Variants in ASTN2 observed in about 807,000 individuals in gnomAD.
ASTN2 encodes astrotactin-2.
A neutral mutation model predicts 139.8 loss-of-function variants in ASTN2; 54 were observed. The ratio of observed to expected loss-of-function variants is 0.39; its 90% CI spans 0.31 to 0.48. ASTN2 has a LOEUF of 0.48. Ranked by LOEUF, ASTN2 falls within the 20% of genes least tolerant of loss-of-function variation. The pLI, the probability that ASTN2 is intolerant of heterozygous loss-of-function variation, is 0.95. For missense variants in ASTN2, 1,565 were observed against 1,725.1 expected (o/e 0.91, Z 1.64); for synonymous variants, 756 against 719.5 (o/e 1.05, Z -0.81).
intron 2 of ASTN2, among the ~76,000 whole-genome samples, chr9:117,223,752 A>C (rs1180275907): frequency 2.0e-5 from 3 of 152,192 alleles, no homozygotes; most frequent in Non-Finnish European, 4.4e-5. Flanking sequence ...CATTTGTAAA[A>C]ATATACTCAC....
chr9:116,685,619 T>C (rs1251581405), intron 16 of ASTN2, among the ~76,000 whole-genome samples: 1 of 152,220 alleles, frequency 6.6e-6, no homozygotes, highest in Non-Finnish European at 1.5e-5. Flanking sequence ...GGAATTCTAA[T>C]ATTGTGCCAG....
intron 19 of ASTN2, among the ~76,000 whole-genome samples, chr9:116,505,313 G>A (rs1350738223): frequency 1.3e-5 from 2 of 151,748 alleles, no homozygotes; most frequent in Admixed American, 1.3e-4. Flanking sequence ...AACAATGTTG[G>A]TTCCCGCTCA....
intron 17 of ASTN2, among the ~76,000 whole-genome samples, chr9:116,626,001 A>T (rs763699956): frequency 6.6e-6 from 1 of 151,940 alleles, no homozygotes; most frequent in Admixed American, 6.6e-5. Context: ...TTTTTTTGAG[A>T]CAGAGTCTCC....
chr9:116,609,696 T>C (rs1855430684), intron 19 of ASTN2, among the ~76,000 whole-genome samples: 3 of 151,854 alleles, frequency 2.0e-5, no homozygotes, highest in Admixed American at 1.3e-4. Flanking sequence ...TGGGTAAATA[T>C]ATAAAATCAT....
chr9:116,788,041 T>C (rs144998767), intron 13 of ASTN2, among the ~76,000 whole-genome samples: 1 of 152,326 alleles, frequency 6.6e-6, no homozygotes, highest in Non-Finnish European at 1.5e-5. Context: ...GAGGACATCA[T>C]GCTAAGTGAA....
intron 16 of ASTN2, among the ~76,000 whole-genome samples, chr9:116,669,016 G>C (rs1859033074): frequency 1.3e-5 from 2 of 152,158 alleles, no homozygotes; most frequent in African/African-American, 2.4e-5. Flanking sequence ...GGTAGGAGGT[G>C]AGACTCAGCT....
At chr9:116,796,592 G>A (rs1830695081) in intron 13 of ASTN2, among the ~76,000 whole-genome samples, 1 of 152,122 alleles carries the variant, frequency 6.6e-6, no homozygotes. Context: ...AGCAGGAAAT[G>A]GCAGAGCAGT....
chr9:117,086,230 C>T (rs1828555668), intron 5 of ASTN2, among the ~76,000 whole-genome samples: 1 of 152,100 alleles, frequency 6.6e-6, no homozygotes, highest in South Asian at 2.1e-4. Context: ...AAACTGAGGC[C>T]CAAAGCCTTG....
intron 16 of ASTN2, among the ~76,000 whole-genome samples, chr9:116,676,358 G>T (rs772742107): frequency 2.8e-4 from 42 of 152,176 alleles, no homozygotes; most frequent in Non-Finnish European, 5.9e-4. Flanking sequence ...TTTGTGCTAA[G>T]AATTTGTCTT....
intron 3 of ASTN2, among the ~76,000 whole-genome samples, chr9:117,159,377 C>T (rs1026110203): frequency 2.6e-5 from 4 of 151,800 alleles, no homozygotes; most frequent in African/African-American, 7.2e-5. Context: ...ATTTCTCAAG[C>T]GAAAAAGAAA....
At chr9:117,393,634 A>G (rs1350369321) in intron 1 of ASTN2, among the ~76,000 whole-genome samples, 1 of 152,150 alleles carries the variant, frequency 6.6e-6, no homozygotes, top group Admixed American at 6.5e-5. Context: ...CTTCCATAAA[A>G]CAATGATGAA....
chr9:117,279,229 CT>C (rs1834267766), intron 2 of ASTN2, among the ~76,000 whole-genome samples: 1 of 152,112 alleles, frequency 6.6e-6, no homozygotes, highest in Non-Finnish European at 1.5e-5. Flanking sequence ...TCCTTGCCCC[CT>C]ATAAGAAAGG....
At chr9:116,454,597 T>C (rs7852287) in intron 20 of ASTN2, among the ~76,000 whole-genome samples, 8 of 152,148 alleles carry the variant, frequency 5.3e-5, no homozygotes, top group African/African-American at 1.7e-4. Flanking sequence ...CACATATGTT[T>C]ATTGTGGCAC....
At chr9:117,339,076 A>G (rs1285121918) in intron 1 of ASTN2, among the ~76,000 whole-genome samples, 1 of 152,066 alleles carries the variant, frequency 6.6e-6, no homozygotes, top group African/African-American at 2.4e-5. Context: ...GCTTTCCCTC[A>G]GGGCAAGCAG....
intron 2 of ASTN2, among the ~76,000 whole-genome samples, chr9:117,257,471 G>C (rs116216315): frequency 0.011 from 1,662 of 152,340 alleles, 39 homozygotes; most frequent in African/African-American, 0.039. Context: ...GCCCTGTGAA[G>C]TGGTGAGCTC....
intron 11 of ASTN2, among the ~76,000 whole-genome samples, chr9:116,849,418 G>A (rs1480994801): frequency 6.6e-6 from 1 of 152,130 alleles, no homozygotes; most frequent in Non-Finnish European, 1.5e-5. Context: ...CAACTCATTA[G>A]TATACAAAAG....
chr9:116,695,655 T>TA (rs1277782559), intron 16 of ASTN2, among the ~76,000 whole-genome samples: 1 of 152,204 alleles, frequency 6.6e-6, no homozygotes, highest in Non-Finnish European at 1.5e-5. Flanking sequence ...ACTGCACAGA[T>TA]ACAGCTGTAG....
intron 20 of ASTN2, among the ~76,000 whole-genome samples, chr9:116,463,122 A>G (rs1327008128): frequency 6.6e-6 from 1 of 151,988 alleles, no homozygotes; most frequent in Admixed American, 6.6e-5. Flanking sequence ...TACTTCAACA[A>G]TTTCTCAAAT....
rs765793053 is a variant in ASTN2, at chr9:117,291,210, C to A, written c.630+116G>T. On this transcript the variant is annotated intron_variant, in intron 2 of 22. Coordinates refer to ENST00000313400, the MANE Select transcript of ASTN2 (RefSeq NM_001365068.1). ...TCTGATTTTCTGTTTCTCATTCTAACCTCTTGAGTTTGGTTCTTTCCTTCC... is the reference window on the plus strand; with the variant it reads ...TCTGATTTTCTGTTTCTCATTCTAAACTCTTGAGTTTGGTTCTTTCCTTCC... 7.4e-4 allele frequency: 978 copies of A among 1,314,816 alleles called. 2 individuals are homozygous for A. Among genetic ancestry groups the A allele is most frequent in the Non-Finnish European group, 9.6e-4 (913 of 953,984 alleles). The allele number at this position is 1,314,816 out of a possible 1,614,324, so 81.4% of individuals were successfully genotyped here. A position where few individuals can be genotyped will look rare whatever the true frequency, so the allele number is the denominator to read the frequency against.
Sources: allele counts gnomAD v4.1 joint callset (sites outside exome capture counted in the v4.1 genomes callset), GRCh38; gene constraint gnomAD v4.1.1; transcripts MANE v1.5; gene names NCBI Gene and HGNC (gene_info 2026-07-23, HGNC 2026-07-21).